The following CDH4 variants were observed in gnomAD, a reference collection of about 807,000 sequenced individuals.
CDH4 encodes the protein cadherin 4.
In CDH4, 33 loss-of-function variants were observed where a neutral mutation model predicts 86.0. The ratio of observed to expected loss-of-function variants is 0.38; its 90% confidence interval spans 0.29 to 0.51. The LOEUF (loss-of-function observed/expected upper bound fraction) is 0.51. Ranked by LOEUF, CDH4 falls within the 20% of genes least tolerant of loss-of-function variation. CDH4 has a pLI of 0.86. For missense variants in CDH4, 1,114 were observed against 1,307.4 expected, an observed-to-expected ratio of 0.85 and a Z score of 2.28; for synonymous variants, 555 against 549.4, an observed-to-expected ratio of 1.01 and a Z score of -0.14.
In CDH4 at chr20:61,383,182, AATAT is replaced by A. The variant is rs1284960421; in HGVS notation, c.169+128250_169+128253del. Among the ~76,000 whole-genome samples the A allele has an allele frequency of 5.8e-5, 6 of 103,082 alleles. 1 individual carries two copies. The highest frequency in any genetic ancestry group is 1.1e-4 in the Non-Finnish European group (6 of 55,446). The allele number at this position is 103,082 out of a possible 152,430, so 67.6% of individuals were successfully genotyped here. On this transcript the variant is annotated intron_variant, in intron 2 of 15. Coordinates refer to ENST00000614565, the MANE Select transcript of CDH4 (RefSeq NM_001794.5). ...TATTATATATATGAATATATTTATG[AATAT>A]ATATGAATATATTTATATATGAATA...
At chr20:61,261,192 G>A (rs563714725) in intron 2 of CDH4, among the ~76,000 whole-genome samples, 4 of 152,234 alleles carry the variant, frequency 2.6e-5, no homozygotes, top group African/African-American at 9.6e-5. Flanking sequence ...TGGTTCCTTA[G>A]TCAGTGATTC....
At position 61,858,752 on chromosome 20, in the gene CDH4, T is replaced by C. The variant is rs149990724; in HGVS notation, c.877+5854T>C. On this transcript the variant is annotated intron_variant, in intron 6 of 15. Coordinates refer to ENST00000614565, the MANE Select transcript of CDH4 (RefSeq NM_001794.5). ...CCAGGTCGTATCCATAGCTCGTTCC[T>C]TTCTGTGGCGTAGAATTCCGTGGCC... Among the ~76,000 whole-genome samples, 642 of 152,346 alleles carry C rather than the reference T, an allele frequency of 4.2e-3. 4 individuals are homozygous for C. The highest frequency in any genetic ancestry group is 6.6e-3 in the Non-Finnish European group (451 of 68,032).
intron 6 of CDH4, among the ~76,000 whole-genome samples, chr20:61,856,110 C>T (rs1982988565): frequency 6.6e-6 from 1 of 152,112 alleles, no homozygotes; most frequent in Admixed American, 6.5e-5. Context: ...TCTTCTCTTC[C>T]ATCAGTAAAT....
At chr20:61,769,151 A>G (rs960185891) in intron 3 of CDH4, among the ~76,000 whole-genome samples, 1 of 152,204 alleles carries the variant, frequency 6.6e-6, no homozygotes, top group Non-Finnish European at 1.5e-5. Context: ...TGCAGGCACA[A>G]AAATAATGCT....
intron 3 of CDH4, among the ~76,000 whole-genome samples, chr20:61,753,600 G>T (rs1368053032): frequency 1.3e-5 from 2 of 152,188 alleles, no homozygotes; most frequent in African/African-American, 4.8e-5. Context: ...GGCCTCACAG[G>T]AAACACTCGA....
chr20:61,608,993 T>C (rs768873128), intron 2 of CDH4, among the ~76,000 whole-genome samples: 1 of 152,174 alleles, frequency 6.6e-6, no homozygotes, highest in African/African-American at 2.4e-5. Context: ...GGGAGGGCTG[T>C]TGGGGAAGCA....
chr20:61,348,590 C>A (rs2084692735), intron 2 of CDH4, among the ~76,000 whole-genome samples: 1 of 152,146 alleles, frequency 6.6e-6, no homozygotes, highest in African/African-American at 2.4e-5. Context: ...CTTTAATTTT[C>A]TTTCACTTCC....
At chr20:61,419,513 C>T (rs577429650) in intron 2 of CDH4, among the ~76,000 whole-genome samples, 6 of 152,268 alleles carry the variant, frequency 3.9e-5, no homozygotes, top group Non-Finnish European at 8.8e-5. Flanking sequence ...GCTTTCCAGT[C>T]GGCTGGTGCA....
In CDH4 at chr20:61,550,449, C is replaced by A. The variant is rs187633162; in HGVS notation, c.170-193114C>A. Among the ~76,000 whole-genome samples, 20 of 152,352 alleles carry A rather than the reference C, an allele frequency of 1.3e-4. No individual in the cohort carries two copies. In the East Asian group the frequency reaches 3.9e-3, roughly 29 times the overall value. On this transcript the variant is annotated intron_variant, in intron 2 of 15. Transcript: ENST00000614565. ...CTTCCCCTCTCAGGCCATTGGGAAG[C>A]CTTCCTGACTCTCCGCTTGGCACCA...
At chr20:61,280,688 G>A (rs1181574892) in intron 2 of CDH4, among the ~76,000 whole-genome samples, 1 of 152,226 alleles carries the variant, frequency 6.6e-6, no homozygotes, top group South Asian at 2.1e-4. Context: ...AAAAGCAGAG[G>A]CCCTGACATC....
intron 4 of CDH4, among the ~76,000 whole-genome samples, chr20:61,792,957 TTTTTTG>T (rs148837229): frequency 1.3e-4 from 19 of 146,842 alleles, no homozygotes; most frequent in African/African-American, 3.5e-4. Context: ...CCTATGTGTT[TTTTTTG>T]TTTTTGTTTT....
intron 2 of CDH4, among the ~76,000 whole-genome samples, chr20:61,279,005 G>A (rs1169956251): frequency 6.6e-6 from 1 of 152,220 alleles, no homozygotes; most frequent in East Asian, 1.9e-4. Context: ...GCTGGGACCA[G>A]CGTGCTGAGA....
At chr20:61,857,533 C>T (rs989478179) in intron 6 of CDH4, among the ~76,000 whole-genome samples, 2 of 152,356 alleles carry the variant, frequency 1.3e-5, no homozygotes, top group South Asian at 2.1e-4. Flanking sequence ...GGCCTGAGGC[C>T]CACGGAGGTG....
chr20:61,919,312 C>T (rs1405831430), intron 9 of CDH4, among the ~76,000 whole-genome samples: 2 of 152,182 alleles, frequency 1.3e-5, no homozygotes, highest in East Asian at 3.9e-4. Context: ...GCTGTGGTGG[C>T]CCCGGAGATG....
intron 4 of CDH4, among the ~76,000 whole-genome samples, chr20:61,827,411 T>A: frequency 6.6e-6 from 1 of 152,248 alleles, no homozygotes; most frequent in East Asian, 1.9e-4. Flanking sequence ...ATTTTGAGAC[T>A]GTTGTTTGTG....
intron 2 of CDH4, among the ~76,000 whole-genome samples, chr20:61,268,681 G>A (rs114689258): frequency 6.6e-6 from 1 of 152,102 alleles, no homozygotes; most frequent in African/African-American, 2.4e-5. Flanking sequence ...TATAGAAAGA[G>A]CCTGGCACCT....
intron 2 of CDH4, among the ~76,000 whole-genome samples, chr20:61,585,844 T>A (rs62643395): frequency 0.73 from 109,127 of 149,402 alleles, 40,171 homozygotes; most frequent in East Asian, 0.8. Context: ...ATGGTGGTGA[T>A]GGGGAGGATA....
chr20:61,585,952 G>A (rs1474513413), intron 2 of CDH4, among the ~76,000 whole-genome samples: 1 of 148,250 alleles, frequency 6.7e-6, no homozygotes, highest in Non-Finnish European at 1.5e-5. Flanking sequence ...TGGTGATGAG[G>A]AGGATGATGG....
chr20:61,760,261 T>C (rs1428443273), intron 3 of CDH4, among the ~76,000 whole-genome samples: 1 of 152,176 alleles, frequency 6.6e-6, no homozygotes, highest in Non-Finnish European at 1.5e-5. Context: ...ATGAAACCCC[T>C]CCACGGGGTG....
Sources: gnomAD v4.1 joint callset for allele counts (sites outside exome capture counted in the v4.1 genomes callset) on GRCh38, gnomAD v4.1.1 for gene constraint, MANE v1.5 for transcripts, NCBI Gene and HGNC (gene_info 2026-07-23, HGNC 2026-07-21) for gene names.